The following RPTOR variants were observed in gnomAD, a reference collection of about 807,000 sequenced individuals.
The protein encoded by RPTOR is regulatory-associated protein of mTOR.
A neutral mutation model predicts 169.9 loss-of-function variants in RPTOR; 21 were observed. That is an observed-to-expected ratio of 0.12 (90% confidence interval 0.09 to 0.18). The LOEUF is 0.18. Among genes scored for constraint, RPTOR ranks in the 10% least tolerant of loss-of-function variants. The pLI is 1.00. For synonymous variants in RPTOR, 732 were observed against 753.2 expected, an observed-to-expected ratio of 0.97 and a Z score of 0.46; for missense variants, 1,133 against 1,855.9, an observed-to-expected ratio of 0.61 and a Z score of 7.16.
At chr17:80,834,091 GC>G (rs1377439613) in intron 9 of RPTOR, among the ~76,000 whole-genome samples, 2 of 152,206 alleles carry the variant, frequency 1.3e-5, no homozygotes, top group African/African-American at 2.4e-5. Context: ...ACCACCCACG[GC>G]CCCGAGAGGG....
intron 3 of RPTOR, among the ~76,000 whole-genome samples, chr17:80,703,848 T>C (rs147211862): frequency 5.3e-5 from 8 of 152,220 alleles, no homozygotes; most frequent in Non-Finnish European, 8.8e-5. Context: ...GCATAGGTAT[T>C]TGTTTTAATT....
chr17:80,663,165 C>T (rs2065737465), intron 3 of RPTOR, among the ~76,000 whole-genome samples: 1 of 152,206 alleles, frequency 6.6e-6, no homozygotes, highest in Admixed American at 6.5e-5. Context: ...GTCCCGGAGC[C>T]TGCACATCCA....
chr17:80,926,354 C>T (rs759898183), intron 24 of RPTOR, among the ~76,000 whole-genome samples: 9 of 152,198 alleles, frequency 5.9e-5, no homozygotes, highest in Non-Finnish European at 1.0e-4. Flanking sequence ...GAGTTCGCCT[C>T]CCTCTTCTCA....
intron 5 of RPTOR, among the ~76,000 whole-genome samples, chr17:80,745,334 T>C (rs2066561646): frequency 6.6e-6 from 1 of 152,162 alleles, no homozygotes; most frequent in African/African-American, 2.4e-5. Context: ...ATGAAGGGGC[T>C]TTAGCTAGCC....
intron 1 of RPTOR, chr17:80,593,490 C>G (rs2065122447): frequency 6.5e-6 from 1 of 154,806 alleles, no homozygotes; most frequent in Admixed American, 6.5e-5. Flanking sequence ...TATGAAAAAG[C>G]TACTGAAACA....
At chr17:80,753,565 G>A (rs946769237) in intron 5 of RPTOR, among the ~76,000 whole-genome samples, 11 of 148,154 alleles carry the variant, frequency 7.4e-5, no homozygotes, top group South Asian at 2.2e-4. Flanking sequence ...CCCGGGAGGC[G>A]GAGCTTGCAG....
intron 5 of RPTOR, among the ~76,000 whole-genome samples, chr17:80,744,897 A>AGAG (rs1567889501): frequency 7.5e-5 from 11 of 146,314 alleles, no homozygotes; most frequent in South Asian, 2.1e-4. Context: ...GGCTACTAGC[A>AGAG]CTGTCCTGGC....
chr17:80,771,213 C>A (rs191008114), intron 6 of RPTOR, among the ~76,000 whole-genome samples: 1 of 152,202 alleles, frequency 6.6e-6, no homozygotes, highest in African/African-American at 2.4e-5. Flanking sequence ...TATGTTCTCC[C>A]ACGGCTGTGT....
At chr17:80,733,430 A>T (rs1394889575) in intron 5 of RPTOR, among the ~76,000 whole-genome samples, 1 of 152,210 alleles carries the variant, frequency 6.6e-6, no homozygotes, top group Non-Finnish European at 1.5e-5. Flanking sequence ...ATGATGAATA[A>T]AGTAGTCCCT....
intron 6 of RPTOR, among the ~76,000 whole-genome samples, chr17:80,759,255 T>C (rs568196042): frequency 6.6e-6 from 1 of 152,300 alleles, no homozygotes; most frequent in East Asian, 1.9e-4. Context: ...ATTTCTAAAA[T>C]GGGTGCCTGC....
chr17:80,744,957 C>T (rs1326073347), intron 5 of RPTOR, among the ~76,000 whole-genome samples: 1 of 142,046 alleles, frequency 7.0e-6, no homozygotes, highest in Non-Finnish European at 1.5e-5. Flanking sequence ...TAGCAGAGCC[C>T]TGGCTTCTAG....
At chr17:80,963,166 G>T in intron 33 of RPTOR, 109 bp downstream of exon 33, 1 of 1,104,914 alleles carries the variant, frequency 9.1e-7, no homozygotes, top group East Asian at 2.6e-5. Flanking sequence ...CACCACAGTG[G>T]GGCCCATTGG....
At position 80,784,491 on chromosome 17, in the gene RPTOR, A is replaced by C. The variant is rs1398122123; in HGVS notation, c.831-6959A>C. On this transcript the variant is annotated intron_variant, in intron 6 of 33. Transcript: ENST00000306801. ...ACTGCAACCTCCGCCTTCTGGGTTC[A>C]AGCAATTCTCCTGCCTCAGCCTCCC... Among the ~76,000 whole-genome samples the C allele has an allele frequency of 2.6e-5, 4 of 151,954 alleles. No individual in the cohort carries two copies. In the South Asian group the frequency reaches 8.3e-4, roughly 32 times the overall value.
intron 10 of RPTOR, 142 bp from the exon 11 acceptor site, chr17:80,846,331 T>A: frequency 1.3e-6 from 1 of 767,756 alleles, no homozygotes; most frequent in East Asian, 2.6e-5. Context: ...GAGCGCCCGC[T>A]TCTCAGCCGC....
intron 21 of RPTOR, among the ~76,000 whole-genome samples, chr17:80,916,698 T>TG (rs1487016191): frequency 1.4e-4 from 22 of 152,228 alleles, no homozygotes; most frequent in African/African-American, 5.3e-4. Flanking sequence ...CCTAAGTTAC[T>TG]GATAAAGTAA....
chr17:80,880,717 G>C (rs1163094866), intron 14 of RPTOR, among the ~76,000 whole-genome samples: 1 of 152,228 alleles, frequency 6.6e-6, no homozygotes, highest in Admixed American at 6.5e-5. Context: ...CAAGAGCTCA[G>C]TTAACCCGGA....
At chr17:80,893,556 G>A (rs1397838887) in intron 19 of RPTOR, 151 bp from the exon 20 acceptor site, 21 of 932,682 alleles carry the variant, frequency 2.3e-5, no homozygotes, top group South Asian at 2.0e-4. Context: ...GGGTGTGTGC[G>A]CACCAGGGTG....
At chr17:80,930,685 CGTT>C (rs1032296036) in intron 24 of RPTOR, among the ~76,000 whole-genome samples, 1 of 152,230 alleles carries the variant, frequency 6.6e-6, no homozygotes, top group Admixed American at 6.5e-5. Context: ...TAGAATAAGT[CGTT>C]GGTTTTGGAT....
intron 3 of RPTOR, among the ~76,000 whole-genome samples, chr17:80,676,035 C>CAGAG (rs573738312): frequency 0.089 from 13,495 of 152,178 alleles, 699 homozygotes; most frequent in East Asian, 0.25. Flanking sequence ...GAAAATGTAG[C>CAGAG]TGAGTGTCTA....
Sources: gnomAD v4.1 joint callset for allele counts (sites outside exome capture counted in the v4.1 genomes callset) on GRCh38, gnomAD v4.1.1 for gene constraint, MANE v1.5 for transcripts, NCBI Gene and HGNC (gene_info 2026-07-23, HGNC 2026-07-21) for gene names.